CNTNAP2: variants seen among roughly 807,000 people sequenced by gnomAD.
The protein encoded by CNTNAP2 is contactin-associated protein-like 2.
CNTNAP2 carries 98 observed loss-of-function variants against 155.2 expected under a neutral mutation model. The observed-to-expected ratio is 0.63, with a 90% confidence interval of 0.54 to 0.75. CNTNAP2 has a LOEUF of 0.75. CNTNAP2 is among the 30% of genes least tolerant of loss of function. The probability of loss-of-function intolerance (pLI) is 0.00; values close to 1 mark genes in which losing one functional copy is unlikely to be tolerated. For missense variants in CNTNAP2, 1,727 were observed against 1,688.1 expected, an observed-to-expected ratio of 1.02 and a Z score of -0.40; for synonymous variants, 651 against 631.2, an observed-to-expected ratio of 1.03 and a Z score of -0.47.
intron 3 of CNTNAP2, among the ~76,000 whole-genome samples, chr7:146,967,872 A>T (rs990816868): frequency 2.0e-5 from 3 of 152,040 alleles, no homozygotes; most frequent in African/African-American, 7.2e-5. Context: ...GAGAGAGGGC[A>T]TCCCTGTCTT....
At position 146,414,131 on chromosome 7, in the gene CNTNAP2, A is replaced by G. The variant is rs574064818; in HGVS notation, c.97+297158A>G. Among the ~76,000 whole-genome samples the G allele has an allele frequency of 8.5e-5, 13 of 152,338 alleles. No individual in the cohort carries two copies. In the East Asian group the frequency reaches 2.3e-3, roughly 27 times the overall value. On this transcript the variant is annotated intron_variant, in intron 1 of 23. Coordinates refer to ENST00000361727, the MANE Select transcript of CNTNAP2 (RefSeq NM_014141.6). ...AGGGCAAACCTATGCATCTATGTGT[A>G]TATACACACGTTTCTATTTTATATG...
chr7:146,725,323 T>G (rs955252116), intron 1 of CNTNAP2, among the ~76,000 whole-genome samples: 4 of 152,188 alleles, frequency 2.6e-5, no homozygotes, highest in Admixed American at 1.3e-4. Flanking sequence ...TTGCAGACAT[T>G]ATAACAGTGA....
At position 147,344,936 on chromosome 7, in the gene CNTNAP2, T is replaced by C. The variant is rs549291262; in HGVS notation, c.1498+44646T>C. Among the ~76,000 whole-genome samples the C allele has an allele frequency of 1.8e-3, 276 of 152,284 alleles. 3 individuals are homozygous for C. The highest frequency in any genetic ancestry group is 7.2e-4 in the Non-Finnish European group (49 of 68,004). ...CTTTGTTTTGTATGTGTCATGTAGC[T>C]TTTTATTTTGTTACTATAATTAAAG... On this transcript the variant is annotated intron_variant, in intron 9 of 23. Coordinates refer to ENST00000361727, the MANE Select transcript of CNTNAP2 (RefSeq NM_014141.6).
intron 21 of CNTNAP2, among the ~76,000 whole-genome samples, chr7:148,299,147 C>T (rs1417895733): frequency 6.6e-6 from 1 of 152,030 alleles, no homozygotes; most frequent in Admixed American, 6.6e-5. Flanking sequence ...CCCACGACCA[C>T]GCCTGGCTAA....
intron 22 of CNTNAP2, among the ~76,000 whole-genome samples, chr7:148,408,789 A>G (rs538118177): frequency 1.2e-4 from 18 of 152,204 alleles, no homozygotes; most frequent in African/African-American, 4.3e-4. Flanking sequence ...TTAGAGAAAT[A>G]CCTAAATTTA....
chr7:147,977,269 C>G (rs1801440226), intron 14 of CNTNAP2, among the ~76,000 whole-genome samples: 1 of 152,102 alleles, frequency 6.6e-6, no homozygotes, highest in Admixed American at 6.5e-5. Flanking sequence ...AGGAGGAAAG[C>G]CAACTGGGCT....
intron 15 of CNTNAP2, among the ~76,000 whole-genome samples, chr7:148,050,303 G>A (rs530925960): frequency 2.0e-5 from 3 of 152,304 alleles, no homozygotes; most frequent in African/African-American, 7.2e-5. Context: ...AGGTGTGGAG[G>A]TGGAAGACAG....
chr7:146,418,939 A>G (rs1795973453), intron 1 of CNTNAP2, among the ~76,000 whole-genome samples: 1 of 152,062 alleles, frequency 6.6e-6, no homozygotes, highest in African/African-American at 2.4e-5. Context: ...GCATAGAAAT[A>G]TTCTCCTTCA....
At chr7:146,144,467 A>T (rs532251845) in intron 1 of CNTNAP2, among the ~76,000 whole-genome samples, 2 of 152,280 alleles carry the variant, frequency 1.3e-5, no homozygotes, top group South Asian at 4.1e-4. Flanking sequence ...TAATAAATTT[A>T]AAAAACAAAA....
chr7:147,895,166 G>A (rs10248399), intron 13 of CNTNAP2, among the ~76,000 whole-genome samples: 9,704 of 145,320 alleles, frequency 0.067, 657 homozygotes, highest in East Asian at 0.21. Context: ...TAGAAACGGG[G>A]TTTCATCATG....
chr7:146,790,429 T>C (rs1802649545), intron 2 of CNTNAP2, among the ~76,000 whole-genome samples: 1 of 152,174 alleles, frequency 6.6e-6, no homozygotes, highest in African/African-American at 2.4e-5. Flanking sequence ...AAGAGAAGTA[T>C]GAGTTTTAGG....
intron 13 of CNTNAP2, among the ~76,000 whole-genome samples, chr7:147,854,738 T>C (rs1363889930): frequency 6.6e-6 from 1 of 152,200 alleles, no homozygotes; most frequent in Non-Finnish European, 1.5e-5. Context: ...ATTTAAAAAC[T>C]GATTCTCAAT....
chr7:148,363,155 A>AT (rs1456749075), intron 21 of CNTNAP2, among the ~76,000 whole-genome samples: 4 of 151,990 alleles, frequency 2.6e-5, no homozygotes, highest in East Asian at 1.9e-4. Context: ...CTAATTTTGT[A>AT]TTTTTTTAGT....
At chr7:147,353,094 TAG>T (rs57450364) in intron 9 of CNTNAP2, among the ~76,000 whole-genome samples, 36,775 of 150,750 alleles carry the variant, frequency 0.24, 4,703 homozygotes, top group Non-Finnish European at 0.28. Context: ...TATATATATA[TAG>T]ACACACACAC....
intron 18 of CNTNAP2, among the ~76,000 whole-genome samples, chr7:148,206,901 T>C (rs1341544752): frequency 1.3e-5 from 2 of 152,148 alleles, no homozygotes; most frequent in Non-Finnish European, 2.9e-5. Context: ...AGATGTCGCC[T>C]TCCTTAGTGA....
chr7:147,595,626 C>G (rs777987226), intron 12 of CNTNAP2, among the ~76,000 whole-genome samples: 1 of 152,174 alleles, frequency 6.6e-6, no homozygotes. Context: ...TAATAACTTA[C>G]GGCCGTATCT....
At chr7:146,580,574 C>G (rs778849419) in intron 1 of CNTNAP2, among the ~76,000 whole-genome samples, 4 of 151,842 alleles carry the variant, frequency 2.6e-5, no homozygotes, top group Non-Finnish European at 4.4e-5. Flanking sequence ...AGCTCAAAGC[C>G]CAAACTATTT....
chr7:147,181,710 C>T (rs1802458350), intron 8 of CNTNAP2, among the ~76,000 whole-genome samples: 1 of 152,144 alleles, frequency 6.6e-6, no homozygotes, highest in Admixed American at 6.5e-5. Context: ...TTCTACAAGG[C>T]TTTTTCATAT....
At position 148,229,681 on chromosome 7, in the gene CNTNAP2, C is replaced by A; in HGVS notation, c.3283C>A (p.Arg1095=). 6.2e-7 allele frequency: 1 copy of A among 1,614,030 alleles called. No homozygotes were observed. Among genetic ancestry groups the A allele is most frequent in the Non-Finnish European group, 8.5e-7 (1 of 1,180,010 alleles). The change falls in exon 20 of 24, where the codon CGA becomes AGA. Residue 1095 remains arginine (R), a synonymous_variant. Coordinates refer to ENST00000361727, the MANE Select transcript of CNTNAP2 (RefSeq NM_014141.6). ...LQIRYNLGGT[R]EPYNIDVDHR... is the part of the protein sequence containing the mutation. The stretch of plus-strand genomic sequence containing the variant: ...GATTCGATACAACCTGGGTGGCACC[C>A]GAGAGCCATACAATATTGACGTAGA...
Sources: allele counts gnomAD v4.1 joint callset (sites outside exome capture counted in the v4.1 genomes callset), GRCh38; gene constraint gnomAD v4.1.1; transcripts MANE v1.5; gene names NCBI Gene and HGNC (gene_info 2026-07-23, HGNC 2026-07-21).